The following SLC26A3 variants were observed in gnomAD, a reference collection of about 807,000 sequenced individuals.
SLC26A3 encodes the protein solute carrier family 26 member 3.
In SLC26A3, 64 loss-of-function variants were observed where a neutral mutation model predicts 85.6. That is an observed-to-expected ratio of 0.75 (90% confidence interval 0.61 to 0.92). SLC26A3 has a LOEUF of 0.92. Ranked by LOEUF, SLC26A3 falls within the 40% of genes least tolerant of loss-of-function variation. SLC26A3 has a pLI of 0.00. For synonymous variants in SLC26A3, 349 were observed against 336.0 expected, an observed-to-expected ratio of 1.04 and a Z score of -0.42; for missense variants, 922 against 927.3, an observed-to-expected ratio of 0.99 and a Z score of 0.07.
chr7:107,778,350 TTTA>T (rs1161661672), intron 12 of SLC26A3, 69 bp from the exon 13 acceptor site: 49 of 760,706 alleles, frequency 6.4e-5, no homozygotes, highest in Non-Finnish European at 1.0e-4. Context: ...GACGGGGTCT[TTTA>T]AAAAGACTTT....
Position 107,784,611 on chromosome 7 carries a change from T to C in SLC26A3, c.972-1259A>G, listed in dbSNP as rs545138890. ...CACGCCCAGCTAATTTTAGTATTTT[T>C]AGTAGAGACAGGGTTTTGCCATGTT... On this transcript the variant is annotated intron_variant, in intron 8 of 20. Transcript: ENST00000340010. Among the ~76,000 whole-genome samples the C allele has an allele frequency of 1.4e-3, 210 of 152,262 alleles. 1 individual carries two copies. Among genetic ancestry groups the C allele is most frequent in the Non-Finnish European group, 1.9e-3 (128 of 68,020 alleles).
intron 7 of SLC26A3, 144 bp from the exon 8 acceptor site, chr7:107,787,053 G>T: frequency 2.5e-6 from 2 of 797,450 alleles, no homozygotes; most frequent in Non-Finnish European, 4.2e-6. Context: ...TAAGAAATTC[G>T]GAGGCAATTC....
At chr7:107,788,593 AG>A (rs1414634912) in intron 6 of SLC26A3, among the ~76,000 whole-genome samples, 1 of 152,062 alleles carries the variant, frequency 6.6e-6, no homozygotes, top group East Asian at 1.9e-4. Flanking sequence ...AAAATGGTAA[AG>A]CTTTTAAAAC....
intron 8 of SLC26A3, among the ~76,000 whole-genome samples, chr7:107,784,262 A>T (rs1193481359): frequency 6.6e-6 from 1 of 152,204 alleles, no homozygotes; most frequent in Non-Finnish European, 1.5e-5. Context: ...TCCAAAAGTT[A>T]GCTTGGAATG....
chr7:107,774,183 T>A (rs867625478), intron 16 of SLC26A3, 30 bp from the exon 17 acceptor site: 9 of 1,533,008 alleles, frequency 5.9e-6, no homozygotes, highest in African/African-American at 5.5e-5. Context: ...GTATGAAAAC[T>A]GTGACCAAGA....
At chr7:107,784,347 A>T (rs148072398) in intron 8 of SLC26A3, among the ~76,000 whole-genome samples, 2 of 152,180 alleles carry the variant, frequency 1.3e-5, no homozygotes, top group African/African-American at 4.8e-5. Context: ...GAATGATGTG[A>T]TGAAGATTTA....
intron 12 of SLC26A3, 125 bp downstream of exon 12, chr7:107,779,543 G>GT: frequency 1.3e-6 from 1 of 769,386 alleles, no homozygotes; most frequent in South Asian, 1.6e-5. Context: ...ACAAACTAAG[G>GT]TTTTTTTGAA....
intron 1 of SLC26A3, among the ~76,000 whole-genome samples, chr7:107,801,635 A>G (rs989459338): frequency 2.0e-5 from 3 of 152,332 alleles, no homozygotes; most frequent in Non-Finnish European, 4.4e-5. Flanking sequence ...TCTTAGTCGA[A>G]TATGAGCTGT....
intron 20 of SLC26A3, among the ~76,000 whole-genome samples, chr7:107,766,891 TC>T (rs1055116129): frequency 3.9e-5 from 6 of 151,976 alleles, no homozygotes; most frequent in Admixed American, 3.3e-4. Context: ...TTTTTTTTTT[TC>T]ATTTGGAAAA....
chr7:107,796,389 C>T (rs569668185), intron 1 of SLC26A3, among the ~76,000 whole-genome samples: 9 of 152,240 alleles, frequency 5.9e-5, no homozygotes, highest in Admixed American at 5.9e-4. Flanking sequence ...GGTGCACCAC[C>T]AGGGCCTCGG....
Position 107,767,752 on chromosome 7 carries a change from C to G in SLC26A3, c.2205+14G>C, listed in dbSNP as rs1429417967. ...CTGCTTATGCAATTGTGAAAGTCAC[C>G]AAAGAGCTGATACCTGACTGGGATT... On this transcript the variant is annotated intron_variant, in intron 19 of 20. Coordinates refer to ENST00000340010, the MANE Select transcript of SLC26A3 (RefSeq NM_000111.3). 1 of 1,613,378 alleles carries G rather than the reference C, an allele frequency of 6.2e-7. No individual in the cohort carries two copies. The highest frequency in any genetic ancestry group is 1.3e-5 in the African/African-American group (1 of 74,770).
At position 107,777,787 on chromosome 7, in the gene SLC26A3, G is replaced by A. The variant is rs115452844; in HGVS notation, c.1514+388C>T. Among the ~76,000 whole-genome samples the A allele has an allele frequency of 6.4e-3, 971 of 152,254 alleles. 9 individuals carry two copies. The highest frequency in any genetic ancestry group is 0.022 in the African/African-American group (933 of 41,528). ...CTATAAAGAGGAAATCCATCCACTA[G>A]ATGGAAACAATCTCACAATCTCAGT... On this transcript the variant is annotated intron_variant, in intron 13 of 20. Transcript: ENST00000340010.
At chr7:107,766,958 C>A (rs865874892) in intron 20 of SLC26A3, among the ~76,000 whole-genome samples, 1 of 151,856 alleles carries the variant, frequency 6.6e-6, no homozygotes, top group Non-Finnish European at 1.5e-5. Context: ...ATGTAATACA[C>A]CTGCCATCTA....
intron 20 of SLC26A3, among the ~76,000 whole-genome samples, chr7:107,766,148 C>T (rs929278418): frequency 6.6e-6 from 1 of 152,110 alleles, no homozygotes; most frequent in African/African-American, 2.4e-5. Flanking sequence ...TGTGTGTTGG[C>T]CTGGTATATT....
At chr7:107,787,311 A>G in intron 7 of SLC26A3, 46 bp downstream of exon 7, 2 of 1,604,172 alleles carry the variant, frequency 1.2e-6, no homozygotes, top group Non-Finnish European at 1.7e-6. Flanking sequence ...CTTACAACAT[A>G]TAAACAGTAG....
intron 17 of SLC26A3, 101 bp downstream of exon 17, chr7:107,773,819 G>T: frequency 1.0e-6 from 1 of 1,002,020 alleles, no homozygotes; most frequent in Non-Finnish European, 1.5e-6. Flanking sequence ...CCAAAGTGCT[G>T]GGATTACAGG....
At chr7:107,799,604 C>A (rs898053643) in intron 1 of SLC26A3, among the ~76,000 whole-genome samples, 1 of 152,156 alleles carries the variant, frequency 6.6e-6, no homozygotes, top group Non-Finnish European at 1.5e-5. Flanking sequence ...GTTGGCCAGG[C>A]TGGTCTCGAA....
In SLC26A3 at chr7:107,765,880, TG is replaced by T. The variant is rs773346631; in HGVS notation, c.2272-3del. 31 of 1,610,036 alleles carry T rather than the reference TG, an allele frequency of 1.9e-5. No homozygotes were observed. The highest frequency in any genetic ancestry group is 2.0e-5 in the Non-Finnish European group (24 of 1,176,762). On this transcript the variant is annotated splice_region_variant and splice_polypyrimidine_tract_variant and intron_variant, in intron 20 of 20. Transcript: ENST00000340010. ...TTAGAATTTTGTTTCAACTGGCACCTGGAAGAAGACAGAAAGTTCTTGTTTT... is the reference window on the plus strand; with the variant it reads ...TTAGAATTTTGTTTCAACTGGCACCTGAAGAAGACAGAAAGTTCTTGTTTT...
At chr7:107,791,714 G>A (rs868357670) in intron 4 of SLC26A3, 116 bp downstream of exon 4, 19 of 726,402 alleles carry the variant, frequency 2.6e-5, no homozygotes, top group Middle Eastern at 2.5e-4. Context: ...ATTCTCACAG[G>A]AGACCATGAC....
Sources: allele counts gnomAD v4.1 joint callset (sites outside exome capture counted in the v4.1 genomes callset), GRCh38; gene constraint gnomAD v4.1.1; transcripts MANE v1.5; gene names NCBI Gene and HGNC (gene_info 2026-07-23, HGNC 2026-07-21).